The following BEAN1 variants were observed in gnomAD, a reference collection of about 807,000 sequenced individuals.
BEAN1 encodes the protein brain expressed associated with NEDD4 1.
Under a neutral mutation model 17.7 loss-of-function variants are expected in BEAN1, and 17 were observed. The ratio of observed to expected loss-of-function variants is 0.96; its 90% CI spans 0.66 to 1.44. The LOEUF (loss-of-function observed/expected upper bound fraction) is 1.44. Ranked by LOEUF, BEAN1 falls within the 40% of genes most tolerant of loss-of-function variation. The pLI is 0.00. For synonymous variants in BEAN1, 142 were observed against 151.8 expected (o/e 0.94, Z 0.47); for missense variants, 359 against 374.1 (o/e 0.96, Z 0.33).
intron 1 of BEAN1, among the ~76,000 whole-genome samples, chr16:66,436,272 T>C (rs1309654641): frequency 1.4e-5 from 2 of 144,690 alleles, no homozygotes; most frequent in African/African-American, 5.1e-5. Flanking sequence ...TTTTCTTTTT[T>C]TTTTTTTTTT....
intron 3 of BEAN1, among the ~76,000 whole-genome samples, chr16:66,474,596 GGGAGGGAGAGAGGGAGGGAGGA>G (rs1567505081): frequency 7.6e-5 from 2 of 26,308 alleles, no homozygotes; most frequent in African/African-American, 3.1e-4. Flanking sequence ...GAGGGAGGGA[GGGAGGGAGAGAGGGAGGGAGGA>G]AGGGAGGGAG....
At chr16:66,437,273 G>A (rs1021660335) in intron 1 of BEAN1, among the ~76,000 whole-genome samples, 1 of 152,020 alleles carries the variant, frequency 6.6e-6, no homozygotes, top group Non-Finnish European at 1.5e-5. Flanking sequence ...GTTGTCCGAA[G>A]CAGTGGGATC....
intron 2 of BEAN1, among the ~76,000 whole-genome samples, chr16:66,465,498 T>C (rs1442156751): frequency 6.6e-6 from 1 of 152,216 alleles, no homozygotes; most frequent in Non-Finnish European, 1.5e-5. Context: ...TCTGTTGTGA[T>C]AAAATATATG....
intron 2 of BEAN1, among the ~76,000 whole-genome samples, chr16:66,445,198 C>T (rs115259862): frequency 4.6e-5 from 7 of 152,076 alleles, no homozygotes; most frequent in African/African-American, 1.7e-4. Flanking sequence ...GTGAGGTGGC[C>T]GGGCGTGGTG....
At chr16:66,484,747 C>CT (rs909357968), downstream of BEAN1, 10 of 453,834 alleles carry the variant, frequency 2.2e-5, no homozygotes, top group African/African-American at 4.0e-5. The surrounding 1 kb of genome is among the most constrained non-coding windows in gnomAD (Gnocchi z 4.2). Flanking sequence ...CTGCAGGCCA[C>CT]TGAGCGCAGT....
intron 3 of BEAN1, among the ~76,000 whole-genome samples, chr16:66,474,583 A>G (rs1214874541): frequency 7.7e-5 from 1 of 12,912 alleles, no homozygotes; most frequent in Non-Finnish European, 1.4e-4. Flanking sequence ...GGAGGGAGAG[A>G]GGGAGGGAGG....
intron 2 of BEAN1, among the ~76,000 whole-genome samples, chr16:66,448,100 C>T (rs1481972919): frequency 1.3e-5 from 2 of 152,226 alleles, no homozygotes; most frequent in East Asian, 1.9e-4. Flanking sequence ...AAACTTTCCC[C>T]TCCTGCCTGT....
chr16:66,439,895 G>A (rs773381856), intron 2 of BEAN1, among the ~76,000 whole-genome samples: 3 of 152,040 alleles, frequency 2.0e-5, no homozygotes, highest in Non-Finnish European at 4.4e-5. Context: ...GGACTGCTGC[G>A]AGGCTCCATG....
chr16:66,430,010 G>A (rs1050770462), intron 1 of BEAN1, among the ~76,000 whole-genome samples: 3 of 152,216 alleles, frequency 2.0e-5, no homozygotes, highest in South Asian at 2.1e-4. Flanking sequence ...ACTGAGGCCA[G>A]GAGGGCTTCT....
In BEAN1 at chr16:66,442,764, T is replaced by G. The variant is rs113270591; in HGVS notation, c.25+5063T>G. Among the ~76,000 whole-genome samples, 1,160 of 152,336 alleles carry G rather than the reference T, an allele frequency of 7.6e-3. 13 individuals are homozygous for G. The highest frequency in any genetic ancestry group is 0.024 in the African/African-American group (1,011 of 41,580). Reference sequence around the variant, plus strand: ...AAATTGACATGCTACACGGAGAGTCTAGCTTGGTGCCTGGCACTGAGAAGA... The same window carrying G: ...AAATTGACATGCTACACGGAGAGTCGAGCTTGGTGCCTGGCACTGAGAAGA... On this transcript the variant is annotated intron_variant, in intron 2 of 4. Transcript: ENST00000536005.
In BEAN1 at chr16:66,480,571, C is replaced by A. The variant is rs1406926481; in HGVS notation, c.441-15C>A. 3 of 1,510,850 alleles carry A rather than the reference C, an allele frequency of 2.0e-6. No homozygotes were observed. The African/African-American group carries it at 4.1e-5, about 21-fold the overall frequency. The allele number at this position is 1,510,850 out of a possible 1,614,324, so 93.6% of individuals were successfully genotyped here. On this transcript the variant is annotated splice_polypyrimidine_tract_variant and intron_variant, in intron 4 of 4. Coordinates refer to ENST00000536005, the MANE Select transcript of BEAN1 (RefSeq NM_001178020.3). Reference sequence around the variant, plus strand: ...AGGCCTAGGTGGGGCACTGAGGGAGCCTCTTCTCTCGTAGCTACGAGGAGT... The same window carrying A: ...AGGCCTAGGTGGGGCACTGAGGGAGACTCTTCTCTCGTAGCTACGAGGAGT...
At chr16:66,468,459 C>T (rs943325746) in intron 2 of BEAN1, among the ~76,000 whole-genome samples, 2 of 152,206 alleles carry the variant, frequency 1.3e-5, no homozygotes, top group African/African-American at 2.4e-5. Context: ...AAGCTGGCTC[C>T]CTACTGCTGT....
chr16:66,435,868 C>G (rs1360076247), intron 1 of BEAN1, among the ~76,000 whole-genome samples: 1 of 152,170 alleles, frequency 6.6e-6, no homozygotes, highest in East Asian at 1.9e-4. Flanking sequence ...TCCTTCAGTG[C>G]TAATACCAGC....
intron 4 of BEAN1, among the ~76,000 whole-genome samples, chr16:66,492,135 AG>A (rs1964183307): frequency 6.6e-6 from 1 of 151,952 alleles, no homozygotes; most frequent in Non-Finnish European, 1.5e-5. Context: ...TCTGCCTCTC[AG>A]GATCAAGCGA....
At chr16:66,437,124 A>AATT (rs1962057713) in intron 1 of BEAN1, among the ~76,000 whole-genome samples, 1 of 152,018 alleles carries the variant, frequency 6.6e-6, no homozygotes, top group Non-Finnish European at 1.5e-5. Flanking sequence ...TAATAATAAT[A>AATT]ATATGGTTTG....
chr16:66,456,370 A>C (rs1034492495), intron 2 of BEAN1, among the ~76,000 whole-genome samples: 1 of 152,190 alleles, frequency 6.6e-6, no homozygotes, highest in Non-Finnish European at 1.5e-5. Flanking sequence ...TGTGGGAGCA[A>C]ATCCCCTAGC....
intron 2 of BEAN1, among the ~76,000 whole-genome samples, chr16:66,454,424 AATAC>A: frequency 6.6e-6 from 1 of 152,216 alleles, no homozygotes; most frequent in Non-Finnish European, 1.5e-5. Flanking sequence ...GTGCATATAT[AATAC>A]ATATATAGTT....
intron 2 of BEAN1, among the ~76,000 whole-genome samples, chr16:66,443,321 C>T (rs1962328178): frequency 6.6e-6 from 1 of 152,204 alleles, no homozygotes; most frequent in South Asian, 2.1e-4. Flanking sequence ...TTGAAGAAGT[C>T]CTGCAAGGGA....
intron 2 of BEAN1, among the ~76,000 whole-genome samples, chr16:66,444,479 G>A (rs1205889578): frequency 6.6e-6 from 1 of 152,168 alleles, no homozygotes; most frequent in African/African-American, 2.4e-5. Context: ...ACAGTGCAGG[G>A]GGAGGATGGA....
Sources: gnomAD v4.1 joint callset for allele counts (sites outside exome capture counted in the v4.1 genomes callset) on GRCh38, gnomAD v4.1.1 for gene constraint, Gnocchi (gnomAD v3.1) non-coding constraint, MANE v1.5 for transcripts, NCBI Gene and HGNC (gene_info 2026-07-23, HGNC 2026-07-21) for gene names.